The following RTL4 variants were observed in gnomAD, a reference collection of about 807,000 sequenced individuals.
RTL4 encodes retrotransposon Gag like 4, also known as retrotransposon Gag-like protein 4.
A neutral mutation model predicts 5.3 loss-of-function variants in RTL4; 4 were observed. The observed-to-expected ratio is 0.75, with a 90% CI of 0.37 to 1.72. The LOEUF (loss-of-function observed/expected upper bound fraction) is 1.72, where lower values mean the gene tolerates loss of function less well. RTL4 is among the 40% of genes most tolerant of loss of function. The pLI, the probability that RTL4 is intolerant of heterozygous loss-of-function variation, is 0.04. For synonymous variants in RTL4, 98 were observed against 87.3 expected (o/e 1.12, Z -0.68); for missense variants, 260 against 227.1 (o/e 1.14, Z -0.93).
At chrX:112,443,177 G>A in the RTL4 span, among the ~76,000 whole-genome samples, 1 of 111,656 alleles carries the variant, frequency 9.0e-6, no homozygotes, top group Non-Finnish European at 1.9e-5. Context: ...AGGTAAGAAC[G>A]TGAGATGTTT....
chrX:112,425,902 T>C, the RTL4 span, among the ~76,000 whole-genome samples: 2 of 111,778 alleles, frequency 1.8e-5, no homozygotes, highest in African/African-American at 6.5e-5. Context: ...TCTCTTAACA[T>C]TGTCTTTCAC....
the RTL4 span, among the ~76,000 whole-genome samples, chrX:112,117,580 A>C: frequency 9.0e-6 from 1 of 111,427 alleles, no homozygotes; most frequent in Non-Finnish European, 1.9e-5. Flanking sequence ...ATAAATGCAA[A>C]TTACTAGAAA....
the RTL4 span, among the ~76,000 whole-genome samples, chrX:112,395,311 CAAAA>C: frequency 9.0e-6 from 1 of 111,321 alleles, no homozygotes; most frequent in African/African-American, 3.3e-5. Context: ...GCACTTGTCA[CAAAA>C]AAGTAACTAA....
At chrX:112,283,259 G>A in the RTL4 span, among the ~76,000 whole-genome samples, 1 of 111,818 alleles carries the variant, frequency 8.9e-6, no homozygotes, top group Non-Finnish European at 1.9e-5. Context: ...TGCTGCCACT[G>A]AATGTTGTGT....
chrX:112,115,205 C>T, the RTL4 span, among the ~76,000 whole-genome samples: 3 of 111,240 alleles, frequency 2.7e-5, no homozygotes, highest in East Asian at 8.5e-4. Context: ...CAGCAGAAAC[C>T]CCTCTCCGCT....
the RTL4 span, among the ~76,000 whole-genome samples, chrX:112,391,304 C>A: frequency 8.1e-5 from 9 of 111,178 alleles, no homozygotes; most frequent in Non-Finnish European, 1.9e-5. Context: ...ATTCTGAATT[C>A]TATTTCTGTC....
At chrX:112,442,389 C>T in the RTL4 span, among the ~76,000 whole-genome samples, 1 of 106,845 alleles carries the variant, frequency 9.4e-6, no homozygotes, top group Non-Finnish European at 1.9e-5. Flanking sequence ...TACAGGTGCC[C>T]ACCACCACAT....
At chrX:112,400,663 G>A in the RTL4 span, among the ~76,000 whole-genome samples, 2 of 111,737 alleles carry the variant, frequency 1.8e-5, no homozygotes, top group Non-Finnish European at 1.9e-5. Flanking sequence ...ATAGTCTTGA[G>A]CTTTGTTCTT....
At chrX:112,218,598 C>A in the RTL4 span, among the ~76,000 whole-genome samples, 1 of 112,010 alleles carries the variant, frequency 8.9e-6, no homozygotes, top group African/African-American at 3.2e-5. Context: ...CTGCTGCCCC[C>A]TACCATACTC....
the RTL4 span, among the ~76,000 whole-genome samples, chrX:112,185,906 A>C: frequency 9.0e-6 from 1 of 111,172 alleles, no homozygotes; most frequent in East Asian, 2.8e-4. Context: ...GGAGCTAATT[A>C]GTTTCCATAA....
At chrX:112,095,512 T>A in the RTL4 span, among the ~76,000 whole-genome samples, 1 of 111,497 alleles carries the variant, frequency 9.0e-6, no homozygotes, top group Non-Finnish European at 1.9e-5. Flanking sequence ...TCCAGGGAGC[T>A]GGGAATGTGA....
the RTL4 span, among the ~76,000 whole-genome samples, chrX:112,235,890 G>T: frequency 8.9e-6 from 1 of 111,732 alleles, no homozygotes; most frequent in East Asian, 2.8e-4. Flanking sequence ...AATACTCAGA[G>T]TAAGTAAGGC....
At chrX:112,130,769 T>C in the RTL4 span, among the ~76,000 whole-genome samples, 17 of 107,220 alleles carry the variant, frequency 1.6e-4, no homozygotes, top group Admixed American at 8.0e-4. Context: ...CTAGATATCA[T>C]TGATGACACT....
At chrX:112,381,017 C>T in the RTL4 span, among the ~76,000 whole-genome samples, 1 of 111,072 alleles carries the variant, frequency 9.0e-6, no homozygotes, top group African/African-American at 3.3e-5. Context: ...TATTCGGTAG[C>T]CGAGGCGGTT....
chrX:112,097,122 A>G, the RTL4 span, among the ~76,000 whole-genome samples: 3 of 111,873 alleles, frequency 2.7e-5, no homozygotes, highest in Non-Finnish European at 5.6e-5. Flanking sequence ...ACATTCATTT[A>G]TTCATTCACA....
At chrX:112,382,836 C>A in the RTL4 span, among the ~76,000 whole-genome samples, 1 of 111,808 alleles carries the variant, frequency 8.9e-6, no homozygotes, top group Non-Finnish European at 1.9e-5. Flanking sequence ...TGTTGCTAAG[C>A]CCCTACAAGT....
chrX:112,176,723 TA>T, the RTL4 span, among the ~76,000 whole-genome samples: 1 of 111,826 alleles, frequency 8.9e-6, no homozygotes, highest in Non-Finnish European at 1.9e-5. Context: ...TAAGATTAAT[TA>T]TTGATAACTA....
chrX:112,453,717 A>G (rs1926782929), upstream of RTL4, among the ~76,000 whole-genome samples: 1 of 112,155 alleles, frequency 8.9e-6, no homozygotes, highest in Non-Finnish European at 1.9e-5. Flanking sequence ...AAACTTTAAC[A>G]CATATTCTAG....
At chrX:112,147,776 T>TA in the RTL4 span, among the ~76,000 whole-genome samples, 1 of 111,522 alleles carries the variant, frequency 9.0e-6, no homozygotes, top group Non-Finnish European at 1.9e-5. Flanking sequence ...CCATCTTTAC[T>TA]AAAAAATACA....
Sources: allele counts gnomAD v4.1 joint callset (sites outside exome capture counted in the v4.1 genomes callset), GRCh38; gene constraint gnomAD v4.1.1; transcripts MANE v1.5; gene names NCBI Gene and HGNC (gene_info 2026-07-23, HGNC 2026-07-21).